The following DPYSL4 variants were observed in gnomAD, a reference collection of about 807,000 sequenced individuals.
DPYSL4 encodes dihydropyrimidinase-related protein 4.
In DPYSL4, 43 loss-of-function variants were observed where a neutral mutation model predicts 63.4. The observed-to-expected ratio is 0.68, with a 90% CI of 0.53 to 0.88. DPYSL4 has a LOEUF of 0.88. Among genes scored for constraint, DPYSL4 ranks in the 40% least tolerant of loss-of-function variants. DPYSL4 has a pLI of 0.00. For missense variants in DPYSL4, 733 were observed against 819.5 expected, an observed-to-expected ratio of 0.89 and a Z score of 1.29; for synonymous variants, 353 against 331.7, an observed-to-expected ratio of 1.06 and a Z score of -0.70.
At chr10:132,194,605 T>C (rs1313895182) in intron 3 of DPYSL4, among the ~76,000 whole-genome samples, 2 of 152,102 alleles carry the variant, frequency 1.3e-5, no homozygotes, top group African/African-American at 4.8e-5. Flanking sequence ...CTTTCTCCCC[T>C]CTCCCTTCTG....
At chr10:132,197,196 C>G in intron 6 of DPYSL4, 95 bp downstream of exon 6, 1 of 1,093,584 alleles carries the variant, frequency 9.1e-7, no homozygotes, top group South Asian at 1.7e-5. Flanking sequence ...GGGTGACTTT[C>G]ATGATACGCA....
chr10:132,192,620 G>C (rs556166298), intron 2 of DPYSL4, 38 bp from the exon 3 acceptor site: 1 of 1,559,954 alleles, frequency 6.4e-7, no homozygotes, highest in South Asian at 1.2e-5. Flanking sequence ...GCTCTGACCT[G>C]GGCTCCCTGT....
At chr10:132,198,649 C>A (rs941111499) in intron 7 of DPYSL4, among the ~76,000 whole-genome samples, 166 bp downstream of exon 7, 1 of 152,160 alleles carries the variant, frequency 6.6e-6, no homozygotes, top group African/African-American at 2.4e-5. Context: ...TGTCCTCCAT[C>A]CCCCCACAAC....
chr10:132,189,347 G>A (rs751285421), intron 1 of DPYSL4, among the ~76,000 whole-genome samples: 1 of 152,218 alleles, frequency 6.6e-6, no homozygotes, highest in Non-Finnish European at 1.5e-5. Context: ...CTCCAATGAG[G>A]TCAGATCTTC....
At position 132,198,589 on chromosome 10, in the gene DPYSL4, C is replaced by T. The variant is rs1034119639; in HGVS notation, c.690+106C>T. ...CTGGGCTCCTGGCCCTGCCACTGTG[C>T]TCGCCCCGACCTCATCTGGGAGGCG... On this transcript the variant is annotated intron_variant, in intron 7 of 13. Transcript: ENST00000338492. The T allele has an allele frequency of 4.5e-5, 55 of 1,232,892 alleles. No individual in the cohort carries two copies. The Admixed American group carries it at 9.5e-4, about 21-fold the overall frequency. The allele number at this position is 1,232,892 out of a possible 1,614,324, so 76.4% of individuals were successfully genotyped here. A position where few individuals can be genotyped will look rare whatever the true frequency, so the allele number is the denominator to read the frequency against.
At chr10:132,191,922 C>A (rs1282360895) in intron 2 of DPYSL4, among the ~76,000 whole-genome samples, 1 of 141,520 alleles carries the variant, frequency 7.1e-6, no homozygotes, top group Non-Finnish European at 1.5e-5. Flanking sequence ...CGTGTGTACA[C>A]GCTGGTCACA....
intron 10 of DPYSL4, among the ~76,000 whole-genome samples, chr10:132,201,529 C>T (rs965210605): frequency 5.9e-5 from 9 of 152,246 alleles, no homozygotes; most frequent in East Asian, 1.9e-4. Flanking sequence ...AGAAAGGCTT[C>T]GCCCAGGAAG....
At position 132,187,735 on chromosome 10, in the gene DPYSL4, C is replaced by T. The variant is rs982564539; in HGVS notation, c.39+633C>T. On this transcript the variant is annotated intron_variant, in intron 1 of 13. Coordinates refer to ENST00000338492, the MANE Select transcript of DPYSL4 (RefSeq NM_006426.3). ...CCAAGGAAAGCGAGCGGTCAAGGGC[C>T]ACTGGCCGGGAACCCTGGCAGCCCC... Among the ~76,000 whole-genome samples, 25 of 152,372 alleles carry T rather than the reference C, an allele frequency of 1.6e-4. 1 individual carries two copies. Among genetic ancestry groups the T allele is most frequent in the Admixed American group, 9.1e-4 (14 of 15,308 alleles).
intron 13 of DPYSL4, 138 bp from the exon 14 acceptor site, chr10:132,204,701 C>T (rs2062070469): frequency 1.5e-6 from 1 of 653,916 alleles, no homozygotes; most frequent in Non-Finnish European, 2.4e-6. Context: ...TCTGCTTGGC[C>T]TTCTGGTGGT....
chr10:132,190,843 T>G lies in DPYSL4; in HGVS notation c.128+8T>G, dbSNP rs775593712. 17 of 1,612,256 alleles carry G rather than the reference T, an allele frequency of 1.1e-5. No homozygotes were observed. The South Asian group carries it at 1.9e-4, about 18-fold the overall frequency. ...GGAAGATGGCTTGATAAAGTAAGTT[T>G]CCGCCGAAAATGAAAATACGTTCCC... On this transcript the variant is annotated splice_region_variant and intron_variant, in intron 2 of 13. Coordinates refer to ENST00000338492, the MANE Select transcript of DPYSL4 (RefSeq NM_006426.3).
Position 132,190,944 on chromosome 10 carries a change from T to C in DPYSL4, c.128+109T>C, listed in dbSNP as rs571668182. 9.1e-4 allele frequency: 941 copies of C among 1,036,444 alleles called. 3 individuals are homozygous for C. In the African/African-American group the frequency reaches 0.013, roughly 15 times the overall value. 64.2% of individuals were successfully genotyped at this position (1,036,444 alleles called of 1,614,324 possible). A position where few individuals can be genotyped will look rare whatever the true frequency, so the allele number is the denominator to read the frequency against. Reference sequence around the variant, plus strand: ...TTCCCAGCTCGTGTGTACACGCTGGTCACGTGGTATCCAGGCAGGTGAAAG... The same window carrying C: ...TTCCCAGCTCGTGTGTACACGCTGGCCACGTGGTATCCAGGCAGGTGAAAG... On this transcript the variant is annotated intron_variant, in intron 2 of 13. Transcript: ENST00000338492.
intron 10 of DPYSL4, among the ~76,000 whole-genome samples, chr10:132,201,453 A>G (rs1270219139): frequency 6.6e-6 from 1 of 152,204 alleles, no homozygotes; most frequent in Non-Finnish European, 1.5e-5. Context: ...CAGGGGACAC[A>G]GGTGTTGCCA....
chr10:132,188,889 G>T (rs1010072582), intron 1 of DPYSL4, among the ~76,000 whole-genome samples: 3 of 152,208 alleles, frequency 2.0e-5, no homozygotes, highest in Admixed American at 6.5e-5. Context: ...AGAGGTAGAG[G>T]GTTGGGTCTG....
At chr10:132,195,766 C>T (rs891568728) in intron 4 of DPYSL4, among the ~76,000 whole-genome samples, 1 of 152,262 alleles carries the variant, frequency 6.6e-6, no homozygotes, top group Non-Finnish European at 1.5e-5. Flanking sequence ...CCCGTCAATC[C>T]TCAGTCCCTG....
chr10:132,198,416 A>C lies in DPYSL4; in HGVS notation c.623A>C (p.Glu208Ala). ...HAENGDIVEE[E>A]QKRLLELGIT... Reference sequence around the variant, plus strand: ...GAGGCATCCTGTTGGTTTCTTTAGGAGCAGAAGCGGTTGCTGGAGCTCGGC... The same window carrying C: ...GAGGCATCCTGTTGGTTTCTTTAGGCGCAGAAGCGGTTGCTGGAGCTCGGC... The change falls in exon 7 of 14, where the codon GAG (glutamate) becomes GCG (alanine). Residue 208 changes from glutamate (E) to alanine (A), a missense_variant and splice_region_variant. Physicochemically the swap from Glu to Ala is moderately radical, Grantham distance 107. Coordinates refer to ENST00000338492, the MANE Select transcript of DPYSL4 (RefSeq NM_006426.3). 1 of 1,605,526 alleles carries C rather than the reference A, an allele frequency of 6.2e-7. No individual in the cohort carries two copies. The highest frequency in any genetic ancestry group is 8.5e-7 in the Non-Finnish European group (1 of 1,177,402).
At chr10:132,201,865 C>T in intron 10 of DPYSL4, 81 bp from the exon 11 acceptor site, 2 of 1,452,308 alleles carry the variant, frequency 1.4e-6, no homozygotes, top group Non-Finnish European at 1.9e-6. Flanking sequence ...TTGTGGGGTC[C>T]TGGTGGCCCA....
intron 9 of DPYSL4, 56 bp downstream of exon 9, chr10:132,200,568 G>A (rs1479323166): frequency 2.5e-6 from 4 of 1,596,258 alleles, no homozygotes; most frequent in Non-Finnish European, 3.4e-6. Context: ...ACCCTGCCAA[G>A]GCTGTGGCCC....
chr10:132,201,827 C>T (rs573729070), intron 10 of DPYSL4, 119 bp from the exon 11 acceptor site: 215 of 1,128,170 alleles, frequency 1.9e-4, no homozygotes, highest in Middle Eastern at 1.5e-3. Context: ...TCTGTCCTCA[C>T]GGGGGCCTGG....
At chr10:132,198,196 C>T (rs998381674) in intron 6 of DPYSL4, among the ~76,000 whole-genome samples, 10 of 152,142 alleles carry the variant, frequency 6.6e-5, no homozygotes, top group Non-Finnish European at 1.2e-4. Flanking sequence ...GCCACTTTCC[C>T]CTATCCGAGC....
Sources: gnomAD v4.1 joint callset for allele counts (sites outside exome capture counted in the v4.1 genomes callset) on GRCh38, gnomAD v4.1.1 for gene constraint, MANE v1.5 for transcripts, NCBI Gene and HGNC (gene_info 2026-07-23, HGNC 2026-07-21) for gene names.